FHDC1: variants seen among roughly 807,000 people sequenced by gnomAD.
FHDC1 encodes the protein FH2 domain-containing protein 1.
FHDC1 carries 25 observed loss-of-function variants against 52.6 expected under a neutral mutation model. The observed-to-expected ratio is 0.48, with a 90% CI of 0.35 to 0.66. The LOEUF is 0.66. FHDC1 is among the 30% of genes least tolerant of loss of function. The pLI is 0.01. For missense variants in FHDC1, 1,459 were observed against 1,452.8 expected (o/e 1.00, Z -0.07); for synonymous variants, 616 against 581.5 (o/e 1.06, Z -0.85).
chr4:152,955,679 T>C (rs1740061559), intron 4 of FHDC1, among the ~76,000 whole-genome samples: 1 of 152,208 alleles, frequency 6.6e-6, no homozygotes, highest in African/African-American at 2.4e-5. Context: ...GATTTCACCA[T>C]GTTGTTCAGG....
the FHDC1 span, among the ~76,000 whole-genome samples, chr4:152,922,715 A>G: frequency 6.6e-6 from 1 of 152,188 alleles, no homozygotes; most frequent in East Asian, 1.9e-4. Context: ...ACGCAAATCA[A>G]TAAATGTAAT....
chr4:152,952,010 C>T (rs1307759305), intron 2 of FHDC1, among the ~76,000 whole-genome samples: 1 of 152,042 alleles, frequency 6.6e-6, no homozygotes, highest in Non-Finnish European at 1.5e-5. Flanking sequence ...CATCCTGATT[C>T]CAGAGATCAG....
intron 11 of FHDC1, among the ~76,000 whole-genome samples, chr4:152,973,858 C>T (rs1051515333): frequency 6.6e-6 from 1 of 152,224 alleles, no homozygotes; most frequent in South Asian, 2.1e-4. Context: ...GGTATGTGAG[C>T]TTGCTCTGGT....
At chr4:152,959,151 A>G (rs985347711) in intron 4 of FHDC1, among the ~76,000 whole-genome samples, 1 of 152,240 alleles carries the variant, frequency 6.6e-6, no homozygotes, top group Non-Finnish European at 1.5e-5. Context: ...AGTGTTAGCT[A>G]CTTACTGGCA....
chr4:152,943,630 A>C, intron 2 of FHDC1, 75 bp downstream of exon 2: 1 of 1,479,614 alleles, frequency 6.8e-7, no homozygotes, highest in South Asian at 1.4e-5. Flanking sequence ...GTACATTTCA[A>C]ATAATTGCTA....
At chr4:152,922,154 AT>A in the FHDC1 span, among the ~76,000 whole-genome samples, 1 of 152,250 alleles carries the variant, frequency 6.6e-6, no homozygotes, top group South Asian at 2.1e-4. Context: ...AATAGACACA[AT>A]AAAAAATGAT....
chr4:152,927,333 T>G, the FHDC1 span: 14 of 685,122 alleles, frequency 2.0e-5, no homozygotes, highest in Non-Finnish European at 2.6e-5. Context: ...GAACCTCCAC[T>G]CAGAATCCCG....
rs2149951711 is a variant in FHDC1, at chr4:152,960,845, G to A, written c.850+1G>A. ...ACAGTTTTAAGAACTGCTATAAAAG[G>A]TGAGTCAACATATGATCCTTCGCAG... is the stretch of plus-strand genomic sequence containing the variant. On this transcript the variant is annotated splice_donor_variant, in intron 6 of 11. Coordinates refer to ENST00000511601, the MANE Select transcript of FHDC1 (RefSeq NM_001371116.1). LOFTEE classifies it high-confidence loss of function. 1 of 1,574,490 alleles carries A rather than the reference G, an allele frequency of 6.4e-7. No individual in the cohort carries two copies. The highest frequency in any genetic ancestry group is 8.6e-7 in the Non-Finnish European group (1 of 1,163,404).
intron 8 of FHDC1, among the ~76,000 whole-genome samples, chr4:152,963,906 T>G (rs1350396509): frequency 4.1e-4 from 62 of 151,168 alleles, no homozygotes; most frequent in Non-Finnish European, 2.9e-5. Context: ...ACTGATTGGC[T>G]TTTCCTCCAT....
chr4:152,949,115 T>TAAGAAGAAGAAGAAGAAGAAG (rs1458622582), intron 2 of FHDC1, among the ~76,000 whole-genome samples: 4 of 77,196 alleles, frequency 5.2e-5, no homozygotes, highest in East Asian at 9.1e-4. Flanking sequence ...ATAATAATAA[T>TAAGAAGAAGAAGAAGAAGAAG]AATAATAATA....
the FHDC1 span, among the ~76,000 whole-genome samples, chr4:152,929,583 G>A: frequency 2.6e-4 from 39 of 152,298 alleles, no homozygotes; most frequent in African/African-American, 9.4e-4. This position sits in a 1 kb window ranked among gnomAD's most constrained non-coding sequence, Gnocchi z 4.1. Flanking sequence ...GCACCATCAA[G>A]GGACTTCTGT....
chr4:152,966,111 T>TTACTGTAATTAGTATAAAAATATTCC (rs1355676544), intron 9 of FHDC1, among the ~76,000 whole-genome samples: 1 of 152,226 alleles, frequency 6.6e-6, no homozygotes, highest in East Asian at 1.9e-4. Flanking sequence ...GGGAACATTT[T>TTACTGTAATTAGTATAAAAATATTCC]TACTGTAATT....
At chr4:152,953,424 G>GT (rs1739985405) in intron 2 of FHDC1, 75 bp from the exon 3 acceptor site, 2 of 1,244,048 alleles carry the variant, frequency 1.6e-6, no homozygotes, top group South Asian at 1.3e-5. Context: ...ATTTTGATCG[G>GT]TTTTAATTAT....
At chr4:152,913,826 A>G in the FHDC1 span, among the ~76,000 whole-genome samples, 1 of 152,152 alleles carries the variant, frequency 6.6e-6, no homozygotes, top group African/African-American at 2.4e-5. Context: ...GATTACAGGC[A>G]TGCGCCACCA....
At chr4:152,935,807 G>C (rs375556552), upstream of FHDC1, among the ~76,000 whole-genome samples, 6 of 150,958 alleles carry the variant, frequency 4.0e-5, no homozygotes, top group Non-Finnish European at 7.4e-5. Flanking sequence ...GTGGTCTGGC[G>C]CGTGCGTCGG....
At chr4:152,972,668 G>A in intron 11 of FHDC1, 127 bp downstream of exon 11, 3 of 1,139,112 alleles carry the variant, frequency 2.6e-6, no homozygotes, top group Non-Finnish European at 3.7e-6. Flanking sequence ...TCTGGCCCAG[G>A]TGGTATTGCC....
chr4:152,952,411 A>G (rs1739954433), intron 2 of FHDC1, among the ~76,000 whole-genome samples: 1 of 152,258 alleles, frequency 6.6e-6, no homozygotes, highest in Middle Eastern at 3.4e-3. Flanking sequence ...GGAAATTGCT[A>G]AATTTAAAAC....
the FHDC1 span, among the ~76,000 whole-genome samples, chr4:152,929,124 T>C: frequency 2.6e-5 from 4 of 152,098 alleles, no homozygotes; most frequent in Admixed American, 6.5e-5. This position sits in a 1 kb window ranked among gnomAD's most constrained non-coding sequence, Gnocchi z 4.1. Context: ...TCAATATATA[T>C]GTAAGATGTA....
At chr4:152,932,819 T>G (rs1739275019), upstream of FHDC1, among the ~76,000 whole-genome samples, 1 of 152,266 alleles carries the variant, frequency 6.6e-6, no homozygotes, top group Non-Finnish European at 1.5e-5. Flanking sequence ...TTGATTCATT[T>G]TGAAGGCTTT....
Sources: gnomAD v4.1 joint callset for allele counts (sites outside exome capture counted in the v4.1 genomes callset) on GRCh38, gnomAD v4.1.1 for gene constraint, Gnocchi (gnomAD v3.1) non-coding constraint, MANE v1.5 for transcripts, NCBI Gene and HGNC (gene_info 2026-07-23, HGNC 2026-07-21) for gene names.